BRWD3: variants seen among roughly 807,000 people sequenced by gnomAD.
BRWD3 encodes the protein bromodomain and WD repeat domain containing 3, also known as bromodomain and WD repeat-containing protein 3.
A neutral mutation model predicts 149.7 loss-of-function variants in BRWD3; 10 were observed. The observed-to-expected ratio is 0.07, with a 90% confidence interval of 0.04 to 0.11. The LOEUF is 0.11. Among genes scored for constraint, BRWD3 ranks in the 10% least tolerant of loss-of-function variants. The pLI, the probability that BRWD3 is intolerant of heterozygous loss-of-function variation, is 1.00. For synonymous variants in BRWD3, 504 were observed against 456.7 expected, an observed-to-expected ratio of 1.10 and a Z score of -1.32; for missense variants, 940 against 1,373.2, an observed-to-expected ratio of 0.68 and a Z score of 4.99.
rs1486726140 is a variant in BRWD3, at chrX:80,681,354, C to A, written c.4641G>T (p.Leu1547Phe). The A allele has an allele frequency of 1.4e-5, 17 of 1,210,068 alleles. No individual in the cohort carries two copies. The highest frequency in any genetic ancestry group is 1.9e-5 in the Non-Finnish European group (17 of 894,676). Reference protein sequence around the residue: ...GKAKSFRNRVLPVKQDHSLDG... With the variant: ...GKAKSFRNRVFPVKQDHSLDG... ...TTTATTTCCTACCTTGTTTAACTGG[C>A]AAAACTCTATTCCGAAATGATTTGG... The change falls in exon 40 of 41, where the codon TTG becomes TTT. Residue 1547 changes from leucine to phenylalanine, a missense_variant. Physicochemically the swap from Leu to Phe is conservative, Grantham distance 22 (BLOSUM62 0). Coordinates refer to ENST00000373275, the MANE Select transcript of BRWD3 (RefSeq NM_153252.5).
chrX:80,692,876 C>T (rs921623714), intron 28 of BRWD3, 64 bp downstream of exon 28: 1 of 860,669 alleles, frequency 1.2e-6, no homozygotes, highest in Admixed American at 2.2e-5. Context: ...CTGATGGAGG[C>T]TATTAAAAGT....
intron 20 of BRWD3, 65 bp from the exon 21 acceptor site, chrX:80,709,642 T>C (rs1369767625): frequency 1.9e-6 from 2 of 1,051,506 alleles, no homozygotes; most frequent in Non-Finnish European, 2.6e-6. Context: ...AAGGAACATA[T>C]ATAAAGCAAA....
chrX:80,780,758 A>G (rs1175943028), intron 6 of BRWD3, among the ~76,000 whole-genome samples: 1 of 112,328 alleles, frequency 8.9e-6, no homozygotes, highest in Non-Finnish European at 1.9e-5. Flanking sequence ...GAGGCAGGCC[A>G]CAAAAAGCAA....
At position 80,723,750 on chromosome X, in the gene BRWD3, T is replaced by G. The variant is rs997695571; in HGVS notation, c.1648A>C (p.Lys550Gln). ...CAGCAAAATTTAAATATGCTAACCT[T>G]TTCGTAGTATTTACTGCATCCAAAA... ...FGFGCSKYYEKIPDQMFFHTD... is the reference protein window; with the variant it reads ...FGFGCSKYYEQIPDQMFFHTD... The change falls in exon 16 of 41, where the codon AAG becomes CAG. Residue 550 changes from lysine to glutamine, a missense_variant and splice_region_variant. By Grantham distance (53) the Lys-to-Gln change is moderately conservative. Coordinates refer to ENST00000373275, the MANE Select transcript of BRWD3 (RefSeq NM_153252.5). 9 of 1,208,445 alleles carry G rather than the reference T, an allele frequency of 7.4e-6. No individual in the cohort carries two copies. The highest frequency in any genetic ancestry group is 1.0e-5 in the Non-Finnish European group (9 of 893,744).
intron 35 of BRWD3, among the ~76,000 whole-genome samples, chrX:80,685,787 T>C (rs1463561147): frequency 8.9e-6 from 1 of 111,894 alleles, no homozygotes; most frequent in Non-Finnish European, 1.9e-5. Context: ...CTTACTTGAA[T>C]GATATTTTTT....
intron 8 of BRWD3, among the ~76,000 whole-genome samples, chrX:80,738,086 A>G (rs1053746351): frequency 5.3e-5 from 6 of 112,618 alleles, no homozygotes; most frequent in African/African-American, 1.6e-4. Context: ...TACAGGAATT[A>G]GACAATTAAA....
In BRWD3 at chrX:80,808,418, T is replaced by C. The variant is rs1381821824; in HGVS notation, c.180+121A>G. The C allele has an allele frequency of 9.2e-6, 5 of 544,166 alleles. No individual in the cohort carries two copies. The African/African-American group carries it at 1.2e-4, about 13-fold the overall frequency. The allele number at this position is 544,166 out of a possible 1,213,427, so 44.8% of individuals were successfully genotyped here. On this transcript the variant is annotated intron_variant, in intron 4 of 40. Transcript: ENST00000373275. ...GGGATGGGGGAAGGGGCAGTCGTTCTTTGGCTCTGCACCGAGCTCTAGAAC... is the reference window on the plus strand; with the variant it reads ...GGGATGGGGGAAGGGGCAGTCGTTCCTTGGCTCTGCACCGAGCTCTAGAAC...
intron 20 of BRWD3, among the ~76,000 whole-genome samples, chrX:80,711,048 A>G (rs768841635): frequency 1.8e-5 from 2 of 111,758 alleles, no homozygotes; most frequent in South Asian, 7.6e-4. Context: ...TTGCCCATTC[A>G]TAATTTACGT....
In BRWD3 at chrX:80,696,844, A is replaced by G. The variant is rs2072706668; in HGVS notation, c.2963T>C (p.Ile988Thr). 2 of 1,201,199 alleles carry G rather than the reference A, an allele frequency of 1.7e-6. No individual in the cohort carries two copies. The highest frequency in any genetic ancestry group is 2.3e-6 in the Non-Finnish European group (2 of 887,701). ...GCCAACCTCATATTTGATTCCTACA[A>G]TCTTAACAAACTCTTGCTCCTATTC... Reference protein sequence around the residue: ...MDLREQEFVKIVGIKYEVGPP... With the variant: ...MDLREQEFVKTVGIKYEVGPP... Residue 988 changes from isoleucine to threonine, a missense_variant, in exon 26 of 41, where the codon ATT (isoleucine) becomes ACT (threonine). Around this residue, in one of 6 missense-constraint regions of BRWD3, gnomAD observed 158 missense variants for 284.0 expected, o/e 0.56. Transcript: ENST00000373275.
Position 80,691,965 on chromosome X carries a change from A to C in BRWD3, c.3339T>G (p.Asp1113Glu). 8.3e-7 allele frequency: 1 copy of C among 1,206,651 alleles called. No homozygotes were observed. The highest frequency in any genetic ancestry group is 1.8e-5 in the South Asian group (1 of 56,337). ...EPIPEGTAFP[D>E]EVGAGVPVSQ... is the part of the protein sequence containing the mutation. ...AGACAGGAACACCAGCACCAACTTC[A>C]TCTGGAAAGGCAGCTAGGTATAAGA... Residue 1113 changes from aspartate to glutamate, a missense_variant, in exon 30 of 41, where the codon GAT becomes GAG. Asp to Glu is a conservative substitution (Grantham distance 45). Coordinates refer to ENST00000373275, the MANE Select transcript of BRWD3 (RefSeq NM_153252.5).
chrX:80,708,698 C>T (rs1332250246), intron 21 of BRWD3, among the ~76,000 whole-genome samples: 1 of 111,043 alleles, frequency 9.0e-6, no homozygotes, highest in Non-Finnish European at 1.9e-5. Context: ...TGCCTGTAAT[C>T]CCAGCTCCTG....
chrX:80,717,360 G>C, intron 19 of BRWD3: 1 of 423,462 alleles, frequency 2.4e-6, no homozygotes, highest in Non-Finnish European at 4.1e-6. Flanking sequence ...ATAATGTTTT[G>C]CATTTTCAAT....
At chrX:80,686,643 C>T (rs2072529425) in intron 35 of BRWD3, among the ~76,000 whole-genome samples, 1 of 110,567 alleles carries the variant, frequency 9.0e-6, no homozygotes, top group Non-Finnish European at 1.9e-5. Context: ...CAAATGAATT[C>T]TGATTTAAAT....
intron 6 of BRWD3, among the ~76,000 whole-genome samples, chrX:80,783,255 T>C (rs1363354752): frequency 9.1e-6 from 1 of 109,557 alleles, no homozygotes; most frequent in East Asian, 2.9e-4. Flanking sequence ...GGCATAGTAG[T>C]GCACACCTGT....
chrX:80,759,790 C>G (rs1306243095), intron 6 of BRWD3, among the ~76,000 whole-genome samples: 2 of 111,241 alleles, frequency 1.8e-5, no homozygotes, highest in Non-Finnish European at 1.9e-5. Flanking sequence ...AGGGGAAGGG[C>G]AGTGTCGAGC....
intron 17 of BRWD3, among the ~76,000 whole-genome samples, chrX:80,721,779 C>T (rs1189668224): frequency 1.8e-5 from 2 of 111,954 alleles, no homozygotes; most frequent in Non-Finnish European, 3.8e-5. Context: ...TCTTACCCTA[C>T]ACCCAATAAC....
At chrX:80,763,179 C>A (rs142593537) in intron 6 of BRWD3, among the ~76,000 whole-genome samples, 2,466 of 111,016 alleles carry the variant, frequency 0.022, 77 homozygotes, top group African/African-American at 0.077. Context: ...CTATTATTAT[C>A]TCCTTTTTAA....
chrX:80,807,140 T>C (rs1249354111), intron 4 of BRWD3, among the ~76,000 whole-genome samples: 1 of 111,916 alleles, frequency 8.9e-6, no homozygotes, highest in East Asian at 2.8e-4. Context: ...TTGCCTCTTT[T>C]AGGGGGAGGG....
At position 80,714,821 on chromosome X, in the gene BRWD3, G is replaced by A. The variant is rs1438729773; in HGVS notation, c.2325+1336C>T. ...TTGAGGATTATTTCTACTATTTGCG[G>A]ACAATATAGAAGAAGAGAAATTGAG... On this transcript the variant is annotated intron_variant, in intron 20 of 40. Transcript: ENST00000373275. Among the ~76,000 whole-genome samples the A allele has an allele frequency of 3.6e-5, 4 of 112,034 alleles. No homozygotes were observed. The Admixed American group carries it at 3.8e-4, about 11-fold the overall frequency.
Sources: gnomAD v4.1 joint callset for allele counts (sites outside exome capture counted in the v4.1 genomes callset) on GRCh38, gnomAD v4.1.1 for gene constraint, gnomAD v4.1.1 regional missense constraint, MANE v1.5 for transcripts, NCBI Gene and HGNC (gene_info 2026-07-23, HGNC 2026-07-21) for gene names.